Variants in HAUS6 observed in about 807,000 individuals in gnomAD.
The protein encoded by HAUS6 is HAUS augmin like complex subunit 6.
HAUS6 carries 80 observed loss-of-function variants against 106.8 expected under a neutral mutation model. The observed-to-expected ratio is 0.75, with a 90% CI of 0.63 to 0.90. The LOEUF (loss-of-function observed/expected upper bound fraction) is 0.90, where lower values mean the gene tolerates loss of function less well. HAUS6 is among the 40% of genes least tolerant of loss of function. The pLI, the probability that HAUS6 is intolerant of heterozygous loss-of-function variation, is 0.00. For synonymous variants in HAUS6, 356 were observed against 379.1 expected (o/e 0.94, Z 0.71); for missense variants, 1,155 against 1,118.1 (o/e 1.03, Z -0.47).
intron 12 of HAUS6, chr9:19,065,181 A>G (rs965555873): frequency 3.3e-5 from 5 of 152,338 alleles, no homozygotes; most frequent in Admixed American, 3.3e-4. Flanking sequence ...CCCCTCTCTC[A>G]TTTCTGAACT....
At chr9:19,096,360 T>A (rs1201152777) in intron 2 of HAUS6, among the ~76,000 whole-genome samples, 1 of 151,494 alleles carries the variant, frequency 6.6e-6, no homozygotes, top group African/African-American at 2.4e-5. Flanking sequence ...AGGTCAGGAG[T>A]TTGAGACCAG....
intron 1 of HAUS6, among the ~76,000 whole-genome samples, chr9:19,101,760 A>G (rs1192605959): frequency 1.2e-4 from 19 of 152,124 alleles, no homozygotes; most frequent in Non-Finnish European, 2.8e-4. Flanking sequence ...TCTCTACTAA[A>G]GATACAAAAA....
Position 19,056,325 on chromosome 9 carries a change from T to G in HAUS6, c.*18A>C, listed in dbSNP as rs142212509. 1.1e-3 allele frequency: 1,261 copies of G among 1,165,862 alleles called. 8 individuals carry two copies. The African/African-American group carries it at 0.017, about 16-fold the overall frequency. 72.2% of individuals were successfully genotyped at this position (1,165,862 alleles called of 1,614,324 possible). ...CTTCAATTTAAGTGCATCATAGTTA[T>G]ATTAAATGGGTACGTCTTCATCTTG... On this transcript the variant is annotated 3_prime_UTR_variant, in exon 17 of 17. Transcript: ENST00000380502.
chr9:19,069,214 A>C (rs1462658874), intron 12 of HAUS6, among the ~76,000 whole-genome samples: 2 of 152,208 alleles, frequency 1.3e-5, no homozygotes, highest in Admixed American at 6.5e-5. Flanking sequence ...CTTAGTTTCA[A>C]AAAAGTTCAC....
At position 19,080,579 on chromosome 9, in the gene HAUS6, G is replaced by A. The variant is rs142022872; in HGVS notation, c.964C>T (p.Arg322Cys). 0.012 allele frequency: 19,941 copies of A among 1,595,750 alleles called. 189 individuals are homozygous for A. The highest frequency in any genetic ancestry group is 0.052 in the East Asian group (2,314 of 44,760). ...AATCTTGCTTGATCAGCCTGACAAC[G>A]TTCATATTTCATCACCTTCAAGACT... is the stretch of plus-strand genomic sequence containing the variant. ...NEVLKVMKYE[R>C]CQADQARLTV... Residue 322 changes from arginine (R) to cysteine (C), a missense_variant, in exon 9 of 17, where the codon CGT becomes TGT. Physicochemically the swap from Arg to Cys is radical, Grantham distance 180. Around this residue, in one of 3 missense-constraint regions of HAUS6, gnomAD observed 761 missense variants for 690.0 expected, o/e 1.10. Coordinates refer to ENST00000380502, the MANE Select transcript of HAUS6 (RefSeq NM_017645.5).
At position 19,094,387 on chromosome 9, in the gene HAUS6, C is replaced by T. The variant is rs1226579641; in HGVS notation, c.233G>A (p.Trp78Ter). Residue 78 changes from tryptophan (W) to a stop codon, truncating the protein, a stop_gained, in exon 3 of 17, where the codon TGG becomes TAG. Transcript: ENST00000380502. LOFTEE classifies it high-confidence loss of function. Reference sequence around the variant, plus strand: ...GTCACTTTTTTGGTCAAATGGGGGCCAACAAAATCTGGAAAACAAAAATAA... The same window carrying T: ...GTCACTTTTTTGGTCAAATGGGGGCTAACAAAATCTGGAAAACAAAAATAA... Reference protein sequence around the residue: ...SLTKEVFKFCWPPFDQKSDTE... With the variant: ...SLTKEVFKFC 1 of 1,591,476 alleles carries T rather than the reference C, an allele frequency of 6.3e-7. No individual in the cohort carries two copies. Among genetic ancestry groups the T allele is most frequent in the Non-Finnish European group, 8.6e-7 (1 of 1,163,292 alleles).
rs949099433 is a variant in HAUS6, at chr9:19,102,632, G to C, written c.20C>G (p.Thr7Ser). 2 of 1,612,948 alleles carry C rather than the reference G, an allele frequency of 1.2e-6. No homozygotes were observed. The highest frequency in any genetic ancestry group is 1.1e-5 in the South Asian group (1 of 90,952). Residue 7 changes from threonine (T) to serine (S), a missense_variant, in exon 1 of 17, where the codon ACC (threonine) becomes AGC (serine). Transcript: ENST00000380502. MSSASV[T>S]AFEKEHLWMY... ...CCAGAGATGCTCCTTCTCGAAAGCG[G>C]TGACCGAGGCCGAGCTCATCCTCGC... is the stretch of plus-strand genomic sequence containing the variant.
At chr9:19,091,767 T>G (rs10963956) in intron 4 of HAUS6, among the ~76,000 whole-genome samples, 1 of 151,926 alleles carries the variant, frequency 6.6e-6, no homozygotes, top group African/African-American at 2.4e-5. Context: ...GTTCAAGCGA[T>G]TCTCGTGCCT....
At chr9:19,080,715 G>T in intron 8 of HAUS6, 43 bp from the exon 9 acceptor site, 1 of 1,079,624 alleles carries the variant, frequency 9.3e-7, no homozygotes. Context: ...ACTATAGGTT[G>T]TTACAACAAA....
chr9:19,057,686 T>G (rs778407514), intron 16 of HAUS6: 1 of 408,480 alleles, frequency 2.4e-6, no homozygotes, highest in Admixed American at 3.9e-5. Flanking sequence ...TTGATGACAT[T>G]TACTTTTCAG....
Position 19,058,590 on chromosome 9 carries a change from C to G in HAUS6, c.2177G>C (p.Gly726Ala), listed in dbSNP as rs1239218258. Reference protein sequence around the residue: ...PAVGNRIDVMGGSEEEFMKIL... With the variant: ...PAVGNRIDVMAGSEEEFMKIL... Reference sequence around the variant, plus strand: ...TTTCATAAACTCCTCTTCACTGCCACCCATCACATCTATCCTATTGCCGAC... The same window carrying G: ...TTTCATAAACTCCTCTTCACTGCCAGCCATCACATCTATCCTATTGCCGAC... Residue 726 changes from glycine (G) to alanine (A), a missense_variant, in exon 16 of 17, where the codon GGT (glycine) becomes GCT (alanine). Transcript: ENST00000380502. 1 of 1,602,582 alleles carries G rather than the reference C, an allele frequency of 6.2e-7. No homozygotes were observed. The highest frequency in any genetic ancestry group is 1.7e-5 in the Admixed American group (1 of 59,578).
intron 4 of HAUS6, among the ~76,000 whole-genome samples, chr9:19,089,872 G>A (rs1456804615): frequency 1.3e-5 from 2 of 152,058 alleles, no homozygotes; most frequent in East Asian, 1.9e-4. Context: ...TCACTCTATT[G>A]CCCAGGCTGG....
intron 11 of HAUS6, among the ~76,000 whole-genome samples, chr9:19,073,003 A>C (rs968585661): frequency 2.6e-5 from 4 of 152,164 alleles, no homozygotes; most frequent in Admixed American, 6.5e-5. Context: ...TTTCATTTAT[A>C]AACTTTAAAA....
At chr9:19,088,800 C>T (rs1176962885) in intron 5 of HAUS6, among the ~76,000 whole-genome samples, 3 of 149,402 alleles carry the variant, frequency 2.0e-5, no homozygotes, top group East Asian at 3.9e-4. Flanking sequence ...ATCGTTTGAA[C>T]CCAGAAGGTG....
At chr9:19,074,795 T>C (rs1484830666) in intron 11 of HAUS6, among the ~76,000 whole-genome samples, 4 of 152,196 alleles carry the variant, frequency 2.6e-5, no homozygotes, top group Non-Finnish European at 5.9e-5. Context: ...ATAAAATTTG[T>C]TTTTTATTCA....
At position 19,063,183 on chromosome 9, in the gene HAUS6, A is replaced by G. The variant is rs375714104; in HGVS notation, c.1454T>C (p.Met485Thr). 6.3e-6 allele frequency: 10 copies of G among 1,597,950 alleles called. No individual in the cohort carries two copies. The African/African-American group carries it at 1.3e-4, about 21-fold the overall frequency. Residue 485 changes from methionine (M) to threonine (T), a missense_variant, in exon 14 of 17, where the codon ATG (methionine) becomes ACG (threonine). Physicochemically the swap from Met to Thr is moderately conservative, Grantham distance 81 (BLOSUM62 -1). Around this residue, in one of 3 missense-constraint regions of HAUS6, gnomAD observed 761 missense variants for 690.0 expected, o/e 1.10. Coordinates refer to ENST00000380502, the MANE Select transcript of HAUS6 (RefSeq NM_017645.5). ...TTCATTTTTTTCTTTGGGAGTTCCC[A>G]TCTTTGTGTCCTGAAGAAGACAGAT... ...SVTVLEKDTK[M>T]GTPKEKNEAI... is the part of the protein sequence containing the mutation.
At chr9:19,087,784 CG>C (rs1276733994) in intron 5 of HAUS6, among the ~76,000 whole-genome samples, 1 of 140,382 alleles carries the variant, frequency 7.1e-6, no homozygotes. Context: ...TCAAGGCTGC[CG>C]TGAGTCATAA....
At chr9:19,094,667 CTATAGCCCCAGCTACTCGGG>C (rs1209056587) in intron 2 of HAUS6, among the ~76,000 whole-genome samples, 4 of 151,974 alleles carry the variant, frequency 2.6e-5, no homozygotes, top group Non-Finnish European at 5.9e-5. Flanking sequence ...TGGTGTGCGC[CTATAGCCCCAGCTACTCGGG>C]AGCTGAGGCA....
chr9:19,063,108 G>A lies in HAUS6; in HGVS notation c.1529C>T (p.Ser510Leu). 6.2e-7 allele frequency: 1 copy of A among 1,603,274 alleles called. No individual in the cohort carries two copies. Among genetic ancestry groups the A allele is most frequent in the Non-Finnish European group, 8.5e-7 (1 of 1,171,926 alleles). ...PEFEVENSPLSDVAKNTESSA... is the reference protein window; with the variant it reads ...PEFEVENSPLLDVAKNTESSA... ...ACTCTCTGTATTCTTTGCAACATCT[G>A]ATAATGGAGAATTTTCCACTTCAAA... Residue 510 changes from serine to leucine, a missense_variant, in exon 14 of 17, where the codon TCA (serine) becomes TTA (leucine). By Grantham distance (145) the Ser-to-Leu change is moderately radical. Around this residue, in one of 3 missense-constraint regions of HAUS6, gnomAD observed 761 missense variants for 690.0 expected, o/e 1.10. Transcript: ENST00000380502.
Sources: gnomAD v4.1 joint callset for allele counts (sites outside exome capture counted in the v4.1 genomes callset) on GRCh38, gnomAD v4.1.1 for gene constraint, gnomAD v4.1.1 regional missense constraint, MANE v1.5 for transcripts, NCBI Gene and HGNC (gene_info 2026-07-23, HGNC 2026-07-21) for gene names.